The following RTN1 variants were observed in gnomAD, a reference collection of about 807,000 sequenced individuals.
RTN1 encodes the protein reticulon-1.
Under a neutral mutation model 65.5 loss-of-function variants are expected in RTN1, and 25 were observed. The observed-to-expected ratio is 0.38, with a 90% CI of 0.28 to 0.53. The LOEUF is 0.53. Among genes scored for constraint, RTN1 ranks in the 20% least tolerant of loss-of-function variants. The pLI is 0.79. For synonymous variants in RTN1, 471 were observed against 447.6 expected (o/e 1.05, Z -0.66); for missense variants, 983 against 1,025.4 (o/e 0.96, Z 0.57).
intron 1 of RTN1, among the ~76,000 whole-genome samples, chr14:59,764,573 C>T (rs1393678304): frequency 3.3e-5 from 5 of 152,158 alleles, no homozygotes; most frequent in African/African-American, 7.2e-5. Flanking sequence ...CCACCCACCT[C>T]GGCCTCCCAA....
At chr14:59,694,131 C>T (rs1466258408) in intron 3 of RTN1, among the ~76,000 whole-genome samples, 3 of 152,190 alleles carry the variant, frequency 2.0e-5, no homozygotes, top group African/African-American at 7.2e-5. Flanking sequence ...ATCGCCTTTT[C>T]CTTCTTTAGC....
intron 3 of RTN1, among the ~76,000 whole-genome samples, chr14:59,700,074 A>C (rs1370214428): frequency 1.3e-5 from 2 of 152,198 alleles, no homozygotes; most frequent in Non-Finnish European, 2.9e-5. Context: ...AATATGTGAG[A>C]AAATGAATAT....
intron 2 of RTN1, among the ~76,000 whole-genome samples, chr14:59,735,839 A>G (rs185745708): frequency 2.0e-5 from 3 of 152,226 alleles, no homozygotes; most frequent in Admixed American, 1.3e-4. Context: ...AATAACAAAC[A>G]GTCTCTCAGA....
At chr14:59,821,760 A>G (rs1236576093) in intron 1 of RTN1, among the ~76,000 whole-genome samples, 1 of 152,178 alleles carries the variant, frequency 6.6e-6, no homozygotes, top group Non-Finnish European at 1.5e-5. Flanking sequence ...TTCTGCATCT[A>G]TCGAGATGAT....
At chr14:59,672,625 C>CTTTT (rs71111662) in intron 3 of RTN1, among the ~76,000 whole-genome samples, 1,048 of 79,086 alleles carry the variant, frequency 0.013, 132 homozygotes, top group African/African-American at 0.031. Context: ...CAAGATATTT[C>CTTTT]TTTTTTTTTT....
intron 3 of RTN1, among the ~76,000 whole-genome samples, chr14:59,713,957 C>T (rs1052297151): frequency 9.2e-5 from 14 of 152,094 alleles, no homozygotes; most frequent in South Asian, 2.1e-4. Context: ...ACTAATAGGC[C>T]GGGTGCGGTG....
At chr14:59,738,378 A>G (rs529601111) in intron 2 of RTN1, among the ~76,000 whole-genome samples, 1 of 152,374 alleles carries the variant, frequency 6.6e-6, no homozygotes, top group East Asian at 1.9e-4. Flanking sequence ...GAAGATATAC[A>G]TGCAGACAAC....
intron 1 of RTN1, among the ~76,000 whole-genome samples, chr14:59,753,318 G>A (rs1309157708): frequency 6.6e-6 from 1 of 152,150 alleles, no homozygotes; most frequent in East Asian, 1.9e-4. Context: ...GAAATTGGAA[G>A]GACCCCTTTA....
chr14:59,787,906 T>C (rs748357433), intron 1 of RTN1, among the ~76,000 whole-genome samples: 24 of 152,208 alleles, frequency 1.6e-4, no homozygotes, highest in South Asian at 6.2e-4. Context: ...TTAGCCTAAA[T>C]CGATTTCTAT....
chr14:59,779,020 G>A (rs1260228168), intron 1 of RTN1, among the ~76,000 whole-genome samples: 2 of 152,174 alleles, frequency 1.3e-5, no homozygotes, highest in Non-Finnish European at 2.9e-5. Context: ...TGGTAGACAA[G>A]GAGCAGGGGA....
At chr14:59,782,737 A>G (rs1886179484) in intron 1 of RTN1, among the ~76,000 whole-genome samples, 2 of 152,202 alleles carry the variant, frequency 1.3e-5, no homozygotes, top group African/African-American at 2.4e-5. Context: ...TAGCTGCCCT[A>G]TTGCTGCAAG....
At chr14:59,800,945 T>TAA (rs147208001) in intron 1 of RTN1, among the ~76,000 whole-genome samples, 2 of 145,796 alleles carry the variant, frequency 1.4e-5, no homozygotes, top group Non-Finnish European at 3.0e-5. Context: ...ATAAAAGATG[T>TAA]AAAAAAAAAA....
chr14:59,750,345 A>AAT (rs1373941007), intron 1 of RTN1, among the ~76,000 whole-genome samples: 1 of 1,940 alleles, frequency 5.2e-4, no homozygotes. Context: ...TTATATCTAT[A>AAT]ATATATATTA....
chr14:59,804,254 A>G (rs753127463), intron 1 of RTN1, among the ~76,000 whole-genome samples: 29 of 152,092 alleles, frequency 1.9e-4, no homozygotes, highest in Non-Finnish European at 4.0e-4. Flanking sequence ...ATGTCCCTCA[A>G]TTAGGATTTG....
At chr14:59,639,377 T>C (rs1423971834) in intron 3 of RTN1, among the ~76,000 whole-genome samples, 6 of 152,206 alleles carry the variant, frequency 3.9e-5, no homozygotes, top group Non-Finnish European at 7.3e-5. Flanking sequence ...ATAAACTTAC[T>C]CAATGCAGGT....
At chr14:59,799,289 C>T (rs190956757) in intron 1 of RTN1, among the ~76,000 whole-genome samples, 1 of 152,328 alleles carries the variant, frequency 6.6e-6, no homozygotes, top group East Asian at 1.9e-4. Flanking sequence ...AAATTCCACT[C>T]ATCACCATAA....
rs530375282 is a variant in RTN1 at position 59,610,397 on chromosome 14, C to T, written c.1766-2905G>A. Reference sequence around the variant, plus strand: ...GCTGTTGGTTCTGGACACTTTGCAACAATATTATCTATTTACATTGATTCT... The same window carrying T: ...GCTGTTGGTTCTGGACACTTTGCAATAATATTATCTATTTACATTGATTCT... On this transcript the variant is annotated intron_variant, in intron 3 of 8. Transcript: ENST00000267484. Among the ~76,000 whole-genome samples the T allele has an allele frequency of 3.6e-4, 55 of 152,296 alleles. 1 individual carries two copies. The South Asian group carries it at 8.9e-3, about 25-fold the overall frequency.
intron 8 of RTN1, among the ~76,000 whole-genome samples, chr14:59,597,156 G>A (rs1398142975): frequency 2.0e-5 from 3 of 152,200 alleles, no homozygotes; most frequent in African/African-American, 7.2e-5. Context: ...GACTATGCCA[G>A]GAAGATGAGC....
intron 3 of RTN1, among the ~76,000 whole-genome samples, chr14:59,635,944 CTTAAAG>C (rs1882657173): frequency 6.6e-6 from 1 of 152,034 alleles, no homozygotes; most frequent in South Asian, 2.1e-4. Flanking sequence ...CATCTTTTCA[CTTAAAG>C]TTATAGTTTC....
Sources: allele counts gnomAD v4.1 joint callset (sites outside exome capture counted in the v4.1 genomes callset), GRCh38; gene constraint gnomAD v4.1.1; transcripts MANE v1.5; gene names NCBI Gene and HGNC (gene_info 2026-07-23, HGNC 2026-07-21).